Variants in CPA6 observed in about 807,000 individuals in gnomAD.
The protein encoded by CPA6 is carboxypeptidase B.
CPA6 carries 58 observed loss-of-function variants against 63.3 expected under a neutral mutation model. That is an observed-to-expected ratio of 0.92 (90% CI 0.74 to 1.14). CPA6 has a LOEUF of 1.14. Ranked by LOEUF, CPA6 falls within the 50% of genes most tolerant of loss-of-function variation. CPA6 has a pLI of 0.00. For missense variants in CPA6, 565 were observed against 526.6 expected (o/e 1.07, Z -0.71); for synonymous variants, 185 against 179.0 (o/e 1.03, Z -0.27).
chr8:67,727,040 A>T (rs1326349389), intron 1 of CPA6, among the ~76,000 whole-genome samples: 2 of 152,210 alleles, frequency 1.3e-5, no homozygotes, highest in South Asian at 2.1e-4. Flanking sequence ...TTGATTTTTT[A>T]AAAATCTTTT....
chr8:67,732,905 T>G (rs16933551), intron 1 of CPA6, among the ~76,000 whole-genome samples: 2,627 of 151,998 alleles, frequency 0.017, 75 homozygotes, highest in East Asian at 0.11. Context: ...GTTCTCAAAG[T>G]TTAGCTTCTT....
chr8:67,720,861 CA>C (rs1378206169), intron 1 of CPA6, among the ~76,000 whole-genome samples: 5 of 152,178 alleles, frequency 3.3e-5, no homozygotes, highest in African/African-American at 7.2e-5. Context: ...GAGATGCAGT[CA>C]ATGCATACTT....
At chr8:67,673,948 G>A (rs1297970653) in intron 1 of CPA6, among the ~76,000 whole-genome samples, 3 of 152,124 alleles carry the variant, frequency 2.0e-5, no homozygotes, top group African/African-American at 4.8e-5. Flanking sequence ...GGTGAATGAA[G>A]GGAGGCTGTT....
At chr8:67,475,109 A>T (rs2128959677) in intron 8 of CPA6, among the ~76,000 whole-genome samples, 1 of 152,340 alleles carries the variant, frequency 6.6e-6, no homozygotes, top group African/African-American at 2.4e-5. Flanking sequence ...ACAACATTTA[A>T]AATAAGAGTG....
rs142126405 is a variant in CPA6, at chr8:67,490,638, A to T, written c.637-5849T>A. On this transcript the variant is annotated intron_variant, in intron 6 of 10. Transcript: ENST00000297770. ...GGGGCATTTCTGAAGTTAATTAAGA[A>T]AGACATAGAATGAATCTATTTGGTA... Among the ~76,000 whole-genome samples, 252 of 152,350 alleles carry T rather than the reference A, an allele frequency of 1.7e-3. 5 individuals carry two copies. The highest frequency in any genetic ancestry group is 5.8e-3 in the African/African-American group (243 of 41,584).
chr8:67,727,410 T>C (rs1563410491), intron 1 of CPA6, among the ~76,000 whole-genome samples: 1 of 152,128 alleles, frequency 6.6e-6, no homozygotes, highest in Non-Finnish European at 1.5e-5. Context: ...TCAAGAACTT[T>C]CTAACCTTCT....
chr8:67,513,889 G>C (rs973107989), intron 3 of CPA6, among the ~76,000 whole-genome samples: 18 of 152,132 alleles, frequency 1.2e-4, no homozygotes, highest in African/African-American at 4.3e-4. Flanking sequence ...TAAACTTTCT[G>C]AGTGATGCCA....
At chr8:67,447,251 C>G (rs1234584640) in intron 8 of CPA6, among the ~76,000 whole-genome samples, 1 of 151,848 alleles carries the variant, frequency 6.6e-6, no homozygotes, top group Non-Finnish European at 1.5e-5. Context: ...GATTTGAATT[C>G]ATTCTTTTAA....
At chr8:67,701,676 G>A (rs892428904) in intron 1 of CPA6, among the ~76,000 whole-genome samples, 1 of 152,178 alleles carries the variant, frequency 6.6e-6, no homozygotes, top group African/African-American at 2.4e-5. Flanking sequence ...TGTCCTACAA[G>A]AGAAACGCAA....
At chr8:67,551,161 G>A (rs1468955629) in intron 2 of CPA6, among the ~76,000 whole-genome samples, 1 of 152,046 alleles carries the variant, frequency 6.6e-6, no homozygotes, top group Non-Finnish European at 1.5e-5. Context: ...CTTATAGTTT[G>A]AGGTCTTACA....
intron 1 of CPA6, among the ~76,000 whole-genome samples, chr8:67,657,074 C>T (rs1442544616): frequency 3.9e-5 from 6 of 152,160 alleles, no homozygotes; most frequent in Non-Finnish European, 5.9e-5. Flanking sequence ...ATGGTGTCTC[C>T]GGATTCAGGA....
chr8:67,632,346 T>A (rs1477006421), intron 1 of CPA6, among the ~76,000 whole-genome samples: 2 of 143,130 alleles, frequency 1.4e-5, no homozygotes, highest in Non-Finnish European at 3.0e-5. Flanking sequence ...AATTAAAAAC[T>A]TTTTTTTAAA....
chr8:67,423,885 C>T (rs188840677), intron 10 of CPA6, among the ~76,000 whole-genome samples: 51 of 152,266 alleles, frequency 3.3e-4, no homozygotes, highest in Admixed American at 1.1e-3. Flanking sequence ...GGTACTGGTC[C>T]GAGGCCTGTT....
At chr8:67,641,433 G>T (rs1815590010) in intron 1 of CPA6, among the ~76,000 whole-genome samples, 1 of 146,828 alleles carries the variant, frequency 6.8e-6, no homozygotes, top group South Asian at 2.1e-4. Context: ...ATTAAATTAA[G>T]TAACAAATAA....
chr8:67,561,220 C>T (rs1277369853), intron 2 of CPA6, among the ~76,000 whole-genome samples: 1 of 152,052 alleles, frequency 6.6e-6, no homozygotes, highest in East Asian at 1.9e-4. Flanking sequence ...AAAACTGGTT[C>T]CAGGAACTCC....
intron 1 of CPA6, among the ~76,000 whole-genome samples, chr8:67,665,066 G>A (rs576198023): frequency 9.2e-5 from 14 of 151,974 alleles, no homozygotes; most frequent in Non-Finnish European, 4.4e-5. Context: ...AACTGCTTAC[G>A]CTTCTGGAAA....
At position 67,713,083 on chromosome 8, in the gene CPA6, ATGTGTGTGTG is replaced by A. The variant is rs368243285; in HGVS notation, c.116+32921_116+32930del. On this transcript the variant is annotated intron_variant, in intron 1 of 10. Transcript: ENST00000297770. ...TAAGCATGTGTGTATCTGTGTGTGTATGTGTGTGTGTGTGTGTATATATATATATATATAT... is the reference window on the plus strand; with the variant it reads ...TAAGCATGTGTGTATCTGTGTGTGTATGTGTGTATATATATATATATATAT... Among the ~76,000 whole-genome samples, 98 of 75,768 alleles carry A rather than the reference ATGTGTGTGTG, an allele frequency of 1.3e-3. 1 individual carries two copies. The highest frequency in any genetic ancestry group is 1.9e-3 in the Non-Finnish European group (78 of 41,608). 49.7% of individuals were successfully genotyped at this position (75,768 alleles called of 152,430 possible).
At chr8:67,692,733 A>C (rs1816837907) in intron 1 of CPA6, among the ~76,000 whole-genome samples, 1 of 152,218 alleles carries the variant, frequency 6.6e-6, no homozygotes, top group Non-Finnish European at 1.5e-5. Flanking sequence ...TGGCCCCATT[A>C]GTGGGAAGTT....
intron 6 of CPA6, among the ~76,000 whole-genome samples, chr8:67,501,705 C>T (rs974435433): frequency 2.0e-5 from 3 of 152,116 alleles, no homozygotes; most frequent in Non-Finnish European, 2.9e-5. Context: ...GGATATTGGT[C>T]TGAGTTTCTT....
Sources: allele counts gnomAD v4.1 joint callset (sites outside exome capture counted in the v4.1 genomes callset), GRCh38; gene constraint gnomAD v4.1.1; transcripts MANE v1.5; gene names NCBI Gene and HGNC (gene_info 2026-07-23, HGNC 2026-07-21).